Variants in ZC3H4 observed in about 807,000 individuals in gnomAD.
ZC3H4 encodes the protein zinc finger CCCH-type containing 4, also known as zinc finger CCCH domain-containing protein 4.
ZC3H4 carries 13 observed loss-of-function variants against 108.3 expected under a neutral mutation model. That is an observed-to-expected ratio of 0.12 (90% CI 0.08 to 0.19). The LOEUF (loss-of-function observed/expected upper bound fraction) is 0.19, where lower values mean the gene tolerates loss of function less well. Among genes scored for constraint, ZC3H4 ranks in the 10% least tolerant of loss-of-function variants. The pLI, the probability that ZC3H4 is intolerant of heterozygous loss-of-function variation, is 1.00. For synonymous variants in ZC3H4, 917 were observed against 749.6 expected, an observed-to-expected ratio of 1.22 and a Z score of -3.65; for missense variants, 1,734 against 1,838.8, an observed-to-expected ratio of 0.94 and a Z score of 1.04.
intron 2 of ZC3H4, among the ~76,000 whole-genome samples, chr19:47,101,120 A>T (rs1469700982): frequency 6.6e-6 from 1 of 151,778 alleles, no homozygotes; most frequent in Admixed American, 6.6e-5. Context: ...CAGGCGGATC[A>T]CTTGAGCCCT....
chr19:47,104,128 G>A (rs1205915404), intron 2 of ZC3H4, among the ~76,000 whole-genome samples: 3 of 151,930 alleles, frequency 2.0e-5, no homozygotes, highest in Non-Finnish European at 4.4e-5. Flanking sequence ...AGACCAGCCT[G>A]GCCAACATGG....
Position 47,085,341 on chromosome 19 carries a change from C to A in ZC3H4, c.944G>T (p.Arg315Leu), listed in dbSNP as rs1331436997. Reference sequence around the variant, plus strand: ...ACCTCGGCCTCGGCTGTCCTTGGAGCGGCGGTACTGGTTCAGCTCCTTGGA... The same window carrying A: ...ACCTCGGCCTCGGCTGTCCTTGGAGAGGCGGTACTGGTTCAGCTCCTTGGA... ...EYSKELNQYRRSKDSRGRGLS... is the reference protein window; with the variant it reads ...EYSKELNQYRLSKDSRGRGLS... The change falls in exon 7 of 15, where the codon CGC (arginine) becomes CTC (leucine). Residue 315 changes from arginine to leucine, a missense_variant. This residue lies in a region of ZC3H4 where 403 missense variants were observed against 457.0 expected (regional missense o/e 0.88). Coordinates refer to ENST00000253048, the MANE Select transcript of ZC3H4 (RefSeq NM_015168.2). The A allele has an allele frequency of 6.2e-7, 1 of 1,601,208 alleles. No individual in the cohort carries two copies. Among genetic ancestry groups the A allele is most frequent in the Non-Finnish European group, 8.5e-7 (1 of 1,173,648 alleles).
Position 47,094,095 on chromosome 19 carries a change from G to A in ZC3H4, c.382-15C>T, listed in dbSNP as rs367622170. On this transcript the variant is annotated splice_polypyrimidine_tract_variant and intron_variant, in intron 3 of 14. Coordinates refer to ENST00000253048, the MANE Select transcript of ZC3H4 (RefSeq NM_015168.2). The stretch of plus-strand genomic sequence containing the variant: ...GAAGCATGGCGCTGTAATGACAGGG[G>A]AAGGAGACTCAGCAACCTGCCACAG... The A allele has an allele frequency of 7.4e-4, 1,192 of 1,612,040 alleles. 16 individuals are homozygous for A. The South Asian group carries it at 0.012, about 17-fold the overall frequency.
At chr19:47,101,114 C>T (rs74984261) in intron 2 of ZC3H4, among the ~76,000 whole-genome samples, 4,079 of 151,612 alleles carry the variant, frequency 0.027, 151 homozygotes, top group African/African-American at 0.085. Flanking sequence ...GGCCAACAGG[C>T]GGATCACTTG....
chr19:47,094,104 T>TC (rs1370519747), intron 3 of ZC3H4, 24 bp from the exon 4 acceptor site: 3 of 1,608,306 alleles, frequency 1.9e-6, no homozygotes, highest in Non-Finnish European at 2.6e-6. Flanking sequence ...GGAAGGAGAC[T>TC]CAGCAACCTG....
In ZC3H4 at chr19:47,071,934, T is replaced by C. The variant is rs913537573; in HGVS notation, c.1990A>G (p.Met664Val). ...MGPGMNPGPP[M>V]GPGGPPMMPY... is the part of the protein sequence containing the mutation. Reference sequence around the variant, plus strand: ...ATCATTGGAGGGCCGCCAGGGCCCATGGGTGGGCCAGGATTCATGCCAGGG... The same window carrying C: ...ATCATTGGAGGGCCGCCAGGGCCCACGGGTGGGCCAGGATTCATGCCAGGG... Residue 664 changes from methionine (M) to valine (V), a missense_variant, in exon 13 of 15, where the codon ATG (methionine) becomes GTG (valine). Physicochemically the swap from Met to Val is conservative, Grantham distance 21. Coordinates refer to ENST00000253048, the MANE Select transcript of ZC3H4 (RefSeq NM_015168.2). 1 of 1,613,026 alleles carries C rather than the reference T, an allele frequency of 6.2e-7. No individual in the cohort carries two copies. The highest frequency in any genetic ancestry group is 8.5e-7 in the Non-Finnish European group (1 of 1,179,518).
rs570968262 is a variant in ZC3H4 at position 47,094,545 on chromosome 19, G to C, written c.225C>G (p.Thr75=). The part of the protein sequence containing the change: ...EDDGAEETQD[T]SGGPERSRKE... ...TCCGGCTTCTCTCAGGCCCTCCGGA[G>C]GTATCCTGGGTCTCCTCTGCCCCAT... Residue 75 remains threonine, a synonymous_variant, in exon 3 of 15, where the codon ACC becomes ACG. Transcript: ENST00000253048. 28 of 1,614,184 alleles carry C rather than the reference G, an allele frequency of 1.7e-5. No homozygotes were observed. In the African/African-American group the frequency reaches 3.2e-4, roughly 18 times the overall value.
intron 2 of ZC3H4, among the ~76,000 whole-genome samples, chr19:47,106,473 G>A (rs73943622): frequency 0.011 from 1,693 of 152,272 alleles, 21 homozygotes; most frequent in African/African-American, 0.04. Context: ...AAAAAACAAA[G>A]CTTTTGGCTC....
Position 47,072,205 on chromosome 19 carries a change from A to G in ZC3H4, c.1803-84T>C. ...CCAGAGGAGAGGCGGAGGGCTGCAG[A>G]GCCGAAGGTCATGGGCCCCAGACCA... On this transcript the variant is annotated intron_variant, in intron 12 of 14. Coordinates refer to ENST00000253048, the MANE Select transcript of ZC3H4 (RefSeq NM_015168.2). This position sits in a 1 kb window ranked among gnomAD's most constrained non-coding sequence, Gnocchi z 5.6. The G allele has an allele frequency of 7.1e-7, 1 of 1,412,874 alleles. No individual in the cohort carries two copies. Among genetic ancestry groups the G allele is most frequent in the Non-Finnish European group, 9.5e-7 (1 of 1,057,230 alleles). The allele number at this position is 1,412,874 out of a possible 1,614,324, so 87.5% of individuals were successfully genotyped here.
At position 47,066,047 on chromosome 19, in the gene ZC3H4, C is replaced by T. The variant is rs189205686; in HGVS notation, c.*309G>A. 4.7e-5 allele frequency: 12 copies of T among 256,154 alleles called. No individual in the cohort carries two copies. The highest frequency in any genetic ancestry group is 1.5e-4 in the East Asian group (2 of 13,686). 15.9% of individuals were successfully genotyped at this position (256,154 alleles called of 1,614,324 possible). On this transcript the variant is annotated 3_prime_UTR_variant, in exon 15 of 15. Transcript: ENST00000253048. The stretch of plus-strand genomic sequence containing the variant: ...CTGGGCCTCCAGCAAGGCCCGGCCA[C>T]GCAGAGCCCACAGAGTCTGAGGCCA...
intron 2 of ZC3H4, among the ~76,000 whole-genome samples, chr19:47,108,921 G>A (rs759038535): frequency 7.2e-5 from 11 of 152,008 alleles, no homozygotes; most frequent in Non-Finnish European, 1.0e-4. Context: ...AAATAAAGGG[G>A]TTTTATGACG....
At chr19:47,078,611 T>C (rs972102477) in intron 11 of ZC3H4, among the ~76,000 whole-genome samples, 1 of 151,940 alleles carries the variant, frequency 6.6e-6, no homozygotes, top group Non-Finnish European at 1.5e-5. Context: ...CTGGCCAACA[T>C]GGTGAAACCC....
At chr19:47,085,851 A>G (rs1006587674) in intron 6 of ZC3H4, among the ~76,000 whole-genome samples, 13 of 152,154 alleles carry the variant, frequency 8.5e-5, no homozygotes, top group Non-Finnish European at 4.4e-5. Flanking sequence ...TTCACAGCAC[A>G]TCCTGTGATA....
intron 2 of ZC3H4, chr19:47,097,105 G>C: frequency 1.7e-6 from 1 of 603,774 alleles, no homozygotes; most frequent in South Asian, 7.3e-5. Flanking sequence ...TTCTAGAAAG[G>C]AATCACCAAG....
chr19:47,109,717 T>A (rs1318160885), intron 2 of ZC3H4, among the ~76,000 whole-genome samples: 1 of 152,196 alleles, frequency 6.6e-6, no homozygotes, highest in Non-Finnish European at 1.5e-5. Flanking sequence ...AGTTTCCTCA[T>A]CTACATGTGC....
intron 9 of ZC3H4, among the ~76,000 whole-genome samples, chr19:47,083,553 A>C (rs991395434): frequency 3.9e-5 from 6 of 151,948 alleles, no homozygotes; most frequent in Non-Finnish European, 8.8e-5. Context: ...AAAAATACAA[A>C]AATTAGCCGG....
At chr19:47,090,231 C>A (rs1355057650) in intron 4 of ZC3H4, 42 bp from the exon 5 acceptor site, 23 of 1,609,252 alleles carry the variant, frequency 1.4e-5, no homozygotes, top group Non-Finnish European at 1.9e-5. Flanking sequence ...CCGGATCCCA[C>A]AGCCGTGGGT....
At position 47,090,184 on chromosome 19, in the gene ZC3H4, G is replaced by A. The variant is rs374375290; in HGVS notation, c.498C>T (p.His166=). The change falls in exon 5 of 15, where the codon CAC becomes CAT. Residue 166 remains histidine, a synonymous_variant. Transcript: ENST00000253048. ...TGGCATGCGATGGGGGGTACTGCTG[G>A]TGGGACTGCGTCCCAGAGATGGGGA... is the stretch of plus-strand genomic sequence containing the variant. The part of the protein sequence containing the change: ...REYSPPYAPS[H]QQYPPSHATP... 1.9e-6 allele frequency: 3 copies of A among 1,614,052 alleles called. No homozygotes were observed. In the African/African-American group the frequency reaches 4.0e-5, roughly 22 times the overall value.
Position 47,067,658 on chromosome 19 carries a change from G to A in ZC3H4, c.2610C>T (p.Leu870=), listed in dbSNP as rs908832485. The A allele has an allele frequency of 1.2e-6, 2 of 1,602,212 alleles. No individual in the cohort carries two copies. Among genetic ancestry groups the A allele is most frequent in the Non-Finnish European group, 1.7e-6 (2 of 1,176,534 alleles). The stretch of plus-strand genomic sequence containing the variant: ...CGCCAGAAGCCTCCACATGGCGGGT[G>A]AGTCTGGGGTCCCGGCTGAGGCGAG... ...ADPRLSRDPR[L]TRHVEASGGS... Residue 870 remains leucine (L), a synonymous_variant, in exon 15 of 15, where the codon CTC becomes CTT. Coordinates refer to ENST00000253048, the MANE Select transcript of ZC3H4 (RefSeq NM_015168.2). This position sits in a 1 kb window ranked among gnomAD's most constrained non-coding sequence, Gnocchi z 6.4.
Sources: gnomAD v4.1 joint callset for allele counts (sites outside exome capture counted in the v4.1 genomes callset) on GRCh38, gnomAD v4.1.1 for gene constraint, gnomAD v4.1.1 regional missense constraint, Gnocchi (gnomAD v3.1) non-coding constraint, MANE v1.5 for transcripts, NCBI Gene and HGNC (gene_info 2026-07-23, HGNC 2026-07-21) for gene names.